Variants in ROBO1 observed in about 807,000 individuals in gnomAD.
ROBO1 encodes the protein roundabout guidance receptor 1.
A neutral mutation model predicts 195.9 loss-of-function variants in ROBO1; 149 were observed. That is an observed-to-expected ratio of 0.76 (90% confidence interval 0.67 to 0.87). The LOEUF (loss-of-function observed/expected upper bound fraction) is 0.87, where lower values mean the gene tolerates loss of function less well. Ranked by LOEUF, ROBO1 falls within the 40% of genes least tolerant of loss-of-function variation. The pLI is 0.00. For synonymous variants in ROBO1, 816 were observed against 733.2 expected (o/e 1.11, Z -1.82); for missense variants, 1,933 against 2,068.3 (o/e 0.93, Z 1.27).
chr3:78,601,799 A>G (rs1305601045), intron 29 of ROBO1, among the ~76,000 whole-genome samples: 1 of 152,082 alleles, frequency 6.6e-6, no homozygotes, highest in Non-Finnish European at 1.5e-5. Flanking sequence ...GATAATGCTA[A>G]CCGTGTTTCC....
At chr3:78,694,196 A>G (rs2081237905) in intron 8 of ROBO1, among the ~76,000 whole-genome samples, 1 of 152,206 alleles carries the variant, frequency 6.6e-6, no homozygotes, top group African/African-American at 2.4e-5. Context: ...TTAAAATACT[A>G]GAAATGGTTA....
At chr3:78,976,864 T>C (rs950819941) in intron 3 of ROBO1, among the ~76,000 whole-genome samples, 3 of 152,160 alleles carry the variant, frequency 2.0e-5, no homozygotes, top group African/African-American at 7.2e-5. Flanking sequence ...CAAAACGTCT[T>C]TAAAGACCAC....
At chr3:78,890,306 T>C (rs1329003406) in intron 4 of ROBO1, among the ~76,000 whole-genome samples, 1 of 151,968 alleles carries the variant, frequency 6.6e-6, no homozygotes, top group African/African-American at 2.4e-5. Flanking sequence ...TGATGGTAGG[T>C]GGAAGTGAGT....
intron 2 of ROBO1, among the ~76,000 whole-genome samples, chr3:79,481,423 G>C (rs997261709): frequency 6.6e-6 from 1 of 152,106 alleles, no homozygotes; most frequent in Non-Finnish European, 1.5e-5. Flanking sequence ...TTCATCTGTA[G>C]AGATGATTCT....
chr3:79,216,660 G>A (rs1349989461), intron 2 of ROBO1, among the ~76,000 whole-genome samples: 1 of 151,960 alleles, frequency 6.6e-6, no homozygotes, highest in South Asian at 2.1e-4. Context: ...TGTATTACAT[G>A]ATTTAGCTAT....
intron 1 of ROBO1, among the ~76,000 whole-genome samples, chr3:79,733,272 A>G (rs751809509): frequency 2.0e-4 from 31 of 152,198 alleles, no homozygotes; most frequent in Non-Finnish European, 3.8e-4. Flanking sequence ...TTTCCCATTA[A>G]CCATACAGTT....
At chr3:79,196,283 T>C (rs543418492) in intron 2 of ROBO1, among the ~76,000 whole-genome samples, 50 of 150,348 alleles carry the variant, frequency 3.3e-4, no homozygotes, top group African/African-American at 1.2e-3. Flanking sequence ...TCTTTTTTTT[T>C]TTTTTTTTCA....
chr3:79,188,231 A>G (rs1472167977), intron 2 of ROBO1, among the ~76,000 whole-genome samples: 1 of 151,974 alleles, frequency 6.6e-6, no homozygotes, highest in African/African-American at 2.4e-5. Flanking sequence ...TAATACTTTT[A>G]CATGAAAATA....
At chr3:79,630,463 C>T (rs1313000961) in intron 1 of ROBO1, among the ~76,000 whole-genome samples, 1 of 151,842 alleles carries the variant, frequency 6.6e-6, no homozygotes, top group African/African-American at 2.4e-5. Flanking sequence ...AAAAACCCTT[C>T]ACAAAATAGG....
intron 3 of ROBO1, among the ~76,000 whole-genome samples, chr3:78,964,017 T>G (rs1452031114): frequency 6.6e-6 from 1 of 152,134 alleles, no homozygotes; most frequent in Non-Finnish European, 1.5e-5. Context: ...TGGTTATTTC[T>G]CAGGGCAGTG....
intron 2 of ROBO1, among the ~76,000 whole-genome samples, chr3:79,357,381 T>C (rs747327580): frequency 1.3e-5 from 2 of 152,102 alleles, no homozygotes; most frequent in Non-Finnish European, 2.9e-5. Context: ...GCAGTATGCG[T>C]TTCATGTCAG....
intron 2 of ROBO1, among the ~76,000 whole-genome samples, chr3:79,333,048 A>C (rs2034513652): frequency 6.6e-6 from 1 of 151,088 alleles, no homozygotes; most frequent in East Asian, 1.9e-4. Context: ...CTGAAAATAC[A>C]AAAAATTAGC....
At chr3:78,958,877 T>C (rs868434575) in intron 3 of ROBO1, among the ~76,000 whole-genome samples, 19 of 148,554 alleles carry the variant, frequency 1.3e-4, no homozygotes, top group African/African-American at 4.2e-4. Context: ...CAGGTTGGAG[T>C]GCAGTGGCGT....
chr3:79,672,094 C>G (rs538409667), intron 1 of ROBO1, among the ~76,000 whole-genome samples: 88 of 152,082 alleles, frequency 5.8e-4, no homozygotes, highest in African/African-American at 1.8e-3. Context: ...ATGAAAGTCA[C>G]TAGAACAACC....
chr3:78,765,165 G>A (rs545219374), intron 4 of ROBO1, among the ~76,000 whole-genome samples: 3 of 152,036 alleles, frequency 2.0e-5, no homozygotes, highest in South Asian at 2.1e-4. Context: ...GCCTTCTCTC[G>A]AAGTTTCTAT....
chr3:79,292,472 C>T (rs1421101070), intron 2 of ROBO1, among the ~76,000 whole-genome samples: 2 of 152,148 alleles, frequency 1.3e-5, no homozygotes, highest in Non-Finnish European at 2.9e-5. Context: ...AAAGGGAATG[C>T]TTCCAGCTTT....
At chr3:79,222,980 G>T (rs1296934187) in intron 2 of ROBO1, among the ~76,000 whole-genome samples, 2 of 152,130 alleles carry the variant, frequency 1.3e-5, no homozygotes, top group Non-Finnish European at 2.9e-5. Flanking sequence ...CTAGTATAAA[G>T]AATTTAGTAA....
Position 79,018,954 on chromosome 3 carries a change from C to A in ROBO1, c.173-80027G>T, listed in dbSNP as rs188029913. ...CCAGTCAGCAGCGGGCCACCCGCGG[C>A]GGCGGCGATAGCAGCCAAAGTAGAA... is the stretch of plus-strand genomic sequence containing the variant. On this transcript the variant is annotated intron_variant, in intron 3 of 30. Transcript: ENST00000464233. 796 of 988,608 alleles carry A rather than the reference C, an allele frequency of 8.1e-4. 10 individuals carry two copies. The African/African-American group carries it at 0.013, about 16-fold the overall frequency. The allele number at this position is 988,608 out of a possible 1,614,324, so 61.2% of individuals were successfully genotyped here.
intron 2 of ROBO1, among the ~76,000 whole-genome samples, chr3:79,526,107 G>C (rs1941422428): frequency 6.6e-6 from 1 of 151,950 alleles, no homozygotes; most frequent in East Asian, 1.9e-4. Flanking sequence ...ACTTAAACAG[G>C]GTAGCTAGTC....
Sources: gnomAD v4.1 joint callset for allele counts (sites outside exome capture counted in the v4.1 genomes callset) on GRCh38, gnomAD v4.1.1 for gene constraint, MANE v1.5 for transcripts, NCBI Gene and HGNC (gene_info 2026-07-23, HGNC 2026-07-21) for gene names.